Variants in WDR59 observed in about 807,000 individuals in gnomAD.
WDR59 encodes the protein WD repeat domain 59.
A neutral mutation model predicts 131.2 loss-of-function variants in WDR59; 100 were observed. That is an observed-to-expected ratio of 0.76 (90% confidence interval 0.65 to 0.90). The LOEUF is 0.90. Among genes scored for constraint, WDR59 ranks in the 40% least tolerant of loss-of-function variants. The pLI is 0.00. For missense variants in WDR59, 1,203 were observed against 1,262.2 expected (o/e 0.95, Z 0.71); for synonymous variants, 601 against 466.2 (o/e 1.29, Z -3.72).
chr16:74,978,052 T>A (rs942071577), intron 1 of WDR59, among the ~76,000 whole-genome samples: 5 of 151,202 alleles, frequency 3.3e-5, no homozygotes, highest in East Asian at 3.9e-4. Flanking sequence ...CCACAAAAAA[T>A]TTTTAAAAAT....
chr16:74,964,045 A>G (rs2033668059), intron 2 of WDR59, among the ~76,000 whole-genome samples: 1 of 152,050 alleles, frequency 6.6e-6, no homozygotes, highest in African/African-American at 2.4e-5. Flanking sequence ...AGAAAAAAAG[A>G]AAGAAAATGA....
Position 74,959,490 on chromosome 16 carries a change from A to C in WDR59, c.105-2880T>G, listed in dbSNP as rs145882222. The C allele has an allele frequency of 2.6e-4, 118 of 446,620 alleles. 1 individual carries two copies. The East Asian group carries it at 4.3e-3, about 16-fold the overall frequency. The allele number at this position is 446,620 out of a possible 1,614,324, so 27.7% of individuals were successfully genotyped here. A position where few individuals can be genotyped will look rare whatever the true frequency, so the allele number is the denominator to read the frequency against. ...AAAGGAAAAAAGCCTTCATGGTTGG[A>C]AGCAGCAGCTCACACTGGAACTCTT... On this transcript the variant is annotated intron_variant, in intron 2 of 25. Coordinates refer to ENST00000262144, the MANE Select transcript of WDR59 (RefSeq NM_030581.4).
intron 5 of WDR59, 70 bp downstream of exon 5, chr16:74,949,648 C>A: frequency 7.1e-7 from 1 of 1,403,344 alleles, no homozygotes; most frequent in Non-Finnish European, 1.0e-6. Context: ...CAAACTAAGA[C>A]ACTTGATCTC....
chr16:74,933,440 T>C (rs1305654176), intron 8 of WDR59, among the ~76,000 whole-genome samples: 2 of 150,932 alleles, frequency 1.3e-5, no homozygotes, highest in African/African-American at 4.9e-5. Context: ...ATACTGTTAC[T>C]TTTTGTGTTT....
chr16:74,899,649 G>C lies in WDR59; in HGVS notation c.1866+4298C>G, dbSNP rs143915569. 5.4e-5 allele frequency: 69 copies of C among 1,270,094 alleles called. No homozygotes were observed. In the South Asian group the frequency reaches 8.3e-4, roughly 15 times the overall value. The allele number at this position is 1,270,094 out of a possible 1,614,324, so 78.7% of individuals were successfully genotyped here. ...AGGTGGCATTTTATTCTTGGGCCTC[G>C]GGTAGAGACAGGATTAGTTAAGGAG... On this transcript the variant is annotated intron_variant, in intron 18 of 25. Coordinates refer to ENST00000262144, the MANE Select transcript of WDR59 (RefSeq NM_030581.4).
intron 17 of WDR59, among the ~76,000 whole-genome samples, chr16:74,906,096 C>T (rs576035846): frequency 9.2e-5 from 14 of 151,816 alleles, no homozygotes; most frequent in Admixed American, 2.6e-4. Flanking sequence ...AGGCAGATCA[C>T]GAGGTCAGCA....
Position 74,892,486 on chromosome 16 carries a change from G to A in WDR59, c.2080C>T (p.Gln694Ter), listed in dbSNP as rs769079265. 1.9e-6 allele frequency: 3 copies of A among 1,613,438 alleles called. No homozygotes were observed. The highest frequency in any genetic ancestry group is 2.5e-6 in the Non-Finnish European group (3 of 1,179,488). ...CCACCAAAAGGGATGGACAATACCTGGACAAGATCCTTTCTTCCAACGAGC... is the reference window on the plus strand; with the variant it reads ...CCACCAAAAGGGATGGACAATACCTAGACAAGATCCTTTCTTCCAACGAGC... Reference protein sequence around the residue: ...ALLVGRKDLVQVWSLATVATD... With the variant: ...ALLVGRKDLV Residue 694 changes from glutamine (Q) to a stop codon, truncating the protein, a stop_gained and splice_region_variant, in exon 20 of 26, where the codon CAG becomes TAG. Coordinates refer to ENST00000262144, the MANE Select transcript of WDR59 (RefSeq NM_030581.4). LOFTEE classifies it high-confidence loss of function.
At chr16:74,888,379 G>T in intron 21 of WDR59, 60 bp from the exon 22 acceptor site, 1 of 1,544,958 alleles carries the variant, frequency 6.5e-7, no homozygotes, top group Non-Finnish European at 8.8e-7. Flanking sequence ...GAGGAAAGCG[G>T]TCACAGTCAT....
intron 2 of WDR59, among the ~76,000 whole-genome samples, chr16:74,958,196 G>A (rs1450466534): frequency 6.6e-6 from 1 of 152,028 alleles, no homozygotes; most frequent in Non-Finnish European, 1.5e-5. Flanking sequence ...TTTCCCCAAT[G>A]CTCCACTATA....
chr16:74,949,370 G>A (rs2032851998), intron 5 of WDR59, among the ~76,000 whole-genome samples: 1 of 140,110 alleles, frequency 7.1e-6, no homozygotes, highest in Non-Finnish European at 1.5e-5. Flanking sequence ...GAAAGAAAGA[G>A]AGGAAGGAAG....
chr16:74,893,528 G>T, intron 19 of WDR59, 151 bp downstream of exon 19: 1 of 799,856 alleles, frequency 1.3e-6, no homozygotes, highest in Non-Finnish European at 1.9e-6. Context: ...TGCTAAGTTT[G>T]TGGGAATTTG....
rs1352227701 is a variant in WDR59 at position 74,975,336 on chromosome 16, G to C, written c.55-9514C>G. Among the ~76,000 whole-genome samples, 3 of 151,956 alleles carry C rather than the reference G, an allele frequency of 2.0e-5. No homozygotes were observed. In the East Asian group the frequency reaches 5.8e-4, roughly 29 times the overall value. ...ATATCGCGCCACTGCACTCCAGCCTGGGAGACAGCAATACTCTGTCTCAAA... is the reference window on the plus strand; with the variant it reads ...ATATCGCGCCACTGCACTCCAGCCTCGGAGACAGCAATACTCTGTCTCAAA... On this transcript the variant is annotated intron_variant, in intron 1 of 25. Transcript: ENST00000262144.
intron 14 of WDR59, 125 bp downstream of exon 14, chr16:74,912,073 T>C: frequency 1.5e-6 from 2 of 1,298,304 alleles, no homozygotes; most frequent in South Asian, 1.3e-5. Context: ...ACGTTGCTAA[T>C]ACTAGTGTGT....
chr16:74,914,475 G>C (rs531296405), intron 13 of WDR59, among the ~76,000 whole-genome samples: 2 of 152,278 alleles, frequency 1.3e-5, no homozygotes, highest in East Asian at 1.9e-4. Flanking sequence ...GGCAAATCTG[G>C]AGACCTGGAT....
At position 74,881,349 on chromosome 16, in the gene WDR59, AT is replaced by A. The variant is rs1054445710; in HGVS notation, c.2689+4303del. On this transcript the variant is annotated intron_variant, in intron 25 of 25. Coordinates refer to ENST00000262144, the MANE Select transcript of WDR59 (RefSeq NM_030581.4). ...CCTGTGGCCTTGACAGCCTTGGGGT[AT>A]TTTTTTTCTTTAATTTTTTTTTTTT... Among the ~76,000 whole-genome samples the A allele has an allele frequency of 1.4e-4, 21 of 150,914 alleles. No individual in the cohort carries two copies. In the East Asian group the frequency reaches 3.1e-3, roughly 22 times the overall value.
At chr16:74,891,112 C>CA (rs1220561474) in intron 20 of WDR59, among the ~76,000 whole-genome samples, 9,814 of 64,702 alleles carry the variant, frequency 0.15, 555 homozygotes, top group African/African-American at 0.2. Context: ...GACTCTGTCT[C>CA]AAAAAAAAAA....
chr16:74,928,776 G>C (rs1195101830), intron 8 of WDR59, among the ~76,000 whole-genome samples: 3 of 151,994 alleles, frequency 2.0e-5, no homozygotes, highest in Non-Finnish European at 4.4e-5. Context: ...GGGTGTGGTG[G>C]TGTGCATCTG....
chr16:74,982,794 C>T (rs2034480129), intron 1 of WDR59, among the ~76,000 whole-genome samples: 1 of 152,162 alleles, frequency 6.6e-6, no homozygotes, highest in Non-Finnish European at 1.5e-5. Context: ...TCAGTAGAGG[C>T]TACTGATCAG....
chr16:74,923,847 G>A, intron 9 of WDR59, 79 bp downstream of exon 9: 1 of 1,281,800 alleles, frequency 7.8e-7, no homozygotes, highest in Non-Finnish European at 1.1e-6. Flanking sequence ...AAGAAAATAA[G>A]AGAAAATGTC....
Sources: gnomAD v4.1 joint callset for allele counts (sites outside exome capture counted in the v4.1 genomes callset) on GRCh38, gnomAD v4.1.1 for gene constraint, MANE v1.5 for transcripts, NCBI Gene and HGNC (gene_info 2026-07-23, HGNC 2026-07-21) for gene names.